The following EPG5 variants were observed in gnomAD, a reference collection of about 807,000 sequenced individuals.
EPG5 encodes the protein ectopic P granules protein 5 homolog.
Under a neutral mutation model 302.7 loss-of-function variants are expected in EPG5, and 159 were observed. The ratio of observed to expected loss-of-function variants is 0.53; its 90% confidence interval spans 0.46 to 0.60. The LOEUF is 0.60. Ranked by LOEUF, EPG5 falls within the 20% of genes least tolerant of loss-of-function variation. The pLI is 0.00. For synonymous variants in EPG5, 1,158 were observed against 1,136.8 expected (o/e 1.02, Z -0.37); for missense variants, 2,896 against 3,092.4 (o/e 0.94, Z 1.51).
chr18:45,917,400 A>G (rs2050057358), intron 17 of EPG5, among the ~76,000 whole-genome samples: 1 of 152,254 alleles, frequency 6.6e-6, no homozygotes. Context: ...AATCTCAGGG[A>G]AACAACTGCT....
At chr18:45,953,357 A>C in intron 2 of EPG5, 1 of 985,286 alleles carries the variant, frequency 1.0e-6, no homozygotes, top group Non-Finnish European at 1.2e-6. Flanking sequence ...GTTCTACTCA[A>C]GAGAATACAC....
chr18:45,811,849 A>C, the EPG5 span, among the ~76,000 whole-genome samples: 21 of 152,310 alleles, frequency 1.4e-4, no homozygotes, highest in East Asian at 4.0e-3. Flanking sequence ...CCCTTTGAAA[A>C]CTGGCACAAG....
intron 27 of EPG5, among the ~76,000 whole-genome samples, chr18:45,896,640 G>T (rs554422613): frequency 6.8e-6 from 1 of 147,718 alleles, no homozygotes. Context: ...GACCTCCTGC[G>T]GTTAAGTGAT....
At chr18:45,871,397 C>T (rs1235730091) in intron 35 of EPG5, among the ~76,000 whole-genome samples, 1 of 152,156 alleles carries the variant, frequency 6.6e-6, no homozygotes, top group Non-Finnish European at 1.5e-5. Flanking sequence ...TAAAAATAGA[C>T]TACCATATGA....
chr18:45,800,648 G>C, the EPG5 span, among the ~76,000 whole-genome samples: 3 of 152,130 alleles, frequency 2.0e-5, no homozygotes, highest in African/African-American at 7.2e-5. Context: ...AGCTCTTGAC[G>C]AATTTGCAGC....
chr18:45,892,345 G>C (rs2049370654), intron 27 of EPG5, among the ~76,000 whole-genome samples: 1 of 152,176 alleles, frequency 6.6e-6, no homozygotes, highest in Admixed American at 6.5e-5. Flanking sequence ...ATAATTACAA[G>C]AAGTAGTAGA....
the EPG5 span, among the ~76,000 whole-genome samples, chr18:45,817,905 T>C: frequency 6.6e-6 from 1 of 152,242 alleles, no homozygotes; most frequent in Non-Finnish European, 1.5e-5. Context: ...GGAAGGAGTA[T>C]ACTTGTGTAC....
chr18:45,967,219 G>T lies in EPG5; in HGVS notation c.21C>A (p.Pro7=). Residue 7 remains proline, a synonymous_variant, in exon 1 of 44, where the codon CCC becomes CCA. Transcript: ENST00000282041. ...TGGCCTTGGCCTTGGCCCGGCGCTG[G>T]GGCTTCACCGCCTCGGCCATAGACC... is the stretch of plus-strand genomic sequence containing the variant. MAEAVK[P]QRRAKAKASR... 1 of 1,605,126 alleles carries T rather than the reference G, an allele frequency of 6.2e-7. No homozygotes were observed. The highest frequency in any genetic ancestry group is 8.5e-7 in the Non-Finnish European group (1 of 1,176,102).
In EPG5 at chr18:45,913,599, C is replaced by T; in HGVS notation, c.3816+107G>A. On this transcript the variant is annotated intron_variant, in intron 21 of 43. Transcript: ENST00000282041. ...TGGTTTGGTTGTTGAGCTTTCCAAA[C>T]ATTCACAACAAAATAAAACACAAAA... 2.2e-6 allele frequency: 3 copies of T among 1,362,494 alleles called. No homozygotes were observed. The Admixed American group carries it at 6.2e-5, about 28-fold the overall frequency. 84.4% of individuals were successfully genotyped at this position (1,362,494 alleles called of 1,614,324 possible). A position where few individuals can be genotyped will look rare whatever the true frequency, so the allele number is the denominator to read the frequency against.
At chr18:45,953,315 C>T (rs2050953387) in intron 2 of EPG5, 1 of 985,156 alleles carries the variant, frequency 1.0e-6, no homozygotes, top group African/African-American at 1.7e-5. Flanking sequence ...TATCTCAAAA[C>T]ATCTCTGGAT....
chr18:45,950,999 T>C, intron 4 of EPG5, 103 bp downstream of exon 4: 1 of 895,842 alleles, frequency 1.1e-6, no homozygotes, highest in Non-Finnish European at 1.5e-6. Context: ...ATCAAATAAA[T>C]TAGCTGAAAA....
At chr18:45,835,127 A>G in the EPG5 span, among the ~76,000 whole-genome samples, 6 of 152,186 alleles carry the variant, frequency 3.9e-5, no homozygotes, top group African/African-American at 1.4e-4. Flanking sequence ...GAAAAAAAGA[A>G]CTTGTAGTTT....
chr18:45,926,716 G>A (rs941521432), intron 13 of EPG5, among the ~76,000 whole-genome samples: 3 of 151,952 alleles, frequency 2.0e-5, no homozygotes, highest in Non-Finnish European at 4.4e-5. Context: ...CTACTCAGGA[G>A]GCAGGAGAAT....
chr18:45,802,276 T>C, the EPG5 span, among the ~76,000 whole-genome samples: 1 of 152,150 alleles, frequency 6.6e-6, no homozygotes, highest in Non-Finnish European at 1.5e-5. Context: ...ATCCTAGCAC[T>C]TTGGGAGGCC....
At chr18:45,936,501 G>A (rs1487404258) in intron 10 of EPG5, among the ~76,000 whole-genome samples, 1 of 152,174 alleles carries the variant, frequency 6.6e-6, no homozygotes, top group Non-Finnish European at 1.5e-5. Flanking sequence ...GCTGAGGCGG[G>A]CAAATCACTT....
the EPG5 span, among the ~76,000 whole-genome samples, chr18:45,806,129 G>T: frequency 6.6e-6 from 1 of 152,174 alleles, no homozygotes; most frequent in East Asian, 1.9e-4. Flanking sequence ...TATTATTAGC[G>T]ACTTATCTGG....
intron 22 of EPG5, among the ~76,000 whole-genome samples, chr18:45,911,411 A>T (rs1334136253): frequency 6.6e-6 from 1 of 150,978 alleles, no homozygotes; most frequent in Non-Finnish European, 1.5e-5. Context: ...TCAGCCTCCT[A>T]AGTAGCTGGG....
the EPG5 span, among the ~76,000 whole-genome samples, chr18:45,801,177 C>G: frequency 6.6e-6 from 1 of 152,076 alleles, no homozygotes; most frequent in Non-Finnish European, 1.5e-5. Flanking sequence ...GCTGGGATTA[C>G]AGGTGCGTGC....
chr18:45,838,701 C>T, the EPG5 span: 576 of 1,554,562 alleles, frequency 3.7e-4, 2 homozygotes, highest in African/African-American at 7.4e-3. Context: ...GACAGTCACC[C>T]GCCTTCTCCC....
Sources: gnomAD v4.1 joint callset for allele counts (sites outside exome capture counted in the v4.1 genomes callset) on GRCh38, gnomAD v4.1.1 for gene constraint, MANE v1.5 for transcripts, NCBI Gene and HGNC (gene_info 2026-07-23, HGNC 2026-07-21) for gene names.